CCDC192: variants seen among roughly 807,000 people sequenced by gnomAD.
CCDC192 encodes coiled-coil domain-containing protein 192.
chr5:127,856,590 C>T (rs1580757100), intron 5 of CCDC192, among the ~76,000 whole-genome samples: 1 of 152,216 alleles, frequency 6.6e-6, no homozygotes, highest in African/African-American at 2.4e-5. Context: ...TTTCAACATG[C>T]CTTCCTCACT....
intron 2 of CCDC192, among the ~76,000 whole-genome samples, chr5:127,736,656 G>T (rs1753016212): frequency 2.0e-5 from 3 of 151,786 alleles, no homozygotes; most frequent in African/African-American, 7.3e-5. Flanking sequence ...GTTTAGTCTT[G>T]GGAGAGTGTA....
chr5:127,751,981 C>T (rs1035503772), intron 2 of CCDC192, among the ~76,000 whole-genome samples: 1 of 152,082 alleles, frequency 6.6e-6, no homozygotes, highest in East Asian at 1.9e-4. Context: ...CCTTTAAGCA[C>T]TTCTCTGTAT....
intron 5 of CCDC192, among the ~76,000 whole-genome samples, chr5:127,822,302 A>G (rs937644832): frequency 2.6e-5 from 4 of 152,226 alleles, no homozygotes; most frequent in African/African-American, 9.6e-5. Flanking sequence ...CAATCTGCCC[A>G]TGGGTCTTAG....
intron 2 of CCDC192, among the ~76,000 whole-genome samples, chr5:127,727,343 A>G (rs957359458): frequency 8.4e-4 from 128 of 152,180 alleles, no homozygotes; most frequent in African/African-American, 3.0e-3. Context: ...ATGGTGGCGC[A>G]TGCCTGCAAT....
intron 6 of CCDC192, among the ~76,000 whole-genome samples, chr5:127,907,214 C>A (rs1753222373): frequency 6.6e-6 from 1 of 151,832 alleles, no homozygotes; most frequent in African/African-American, 2.4e-5. Flanking sequence ...CACAAGTTAG[C>A]CATAATTTTA....
intron 5 of CCDC192, among the ~76,000 whole-genome samples, chr5:127,843,555 A>T (rs973490612): frequency 6.6e-6 from 1 of 151,288 alleles, no homozygotes; most frequent in Non-Finnish European, 1.5e-5. Context: ...CTCCTGCCTC[A>T]GCCTCCCGAG....
intron 3 of CCDC192, among the ~76,000 whole-genome samples, chr5:127,769,473 G>A (rs1430066551): frequency 2.0e-5 from 3 of 151,678 alleles, no homozygotes; most frequent in African/African-American, 7.3e-5. Context: ...TTGAAAACTG[G>A]GAGTCATCAA....
At chr5:127,935,000 TA>T (rs1446428224) in intron 6 of CCDC192, among the ~76,000 whole-genome samples, 1 of 152,232 alleles carries the variant, frequency 6.6e-6, no homozygotes, top group Middle Eastern at 3.2e-3. Context: ...ATGAGGTATT[TA>T]ATCACCTCAC....
In CCDC192 at chr5:127,823,224, G is replaced by A. The variant is rs951673997; in HGVS notation, c.411+25062G>A. Among the ~76,000 whole-genome samples the A allele has an allele frequency of 5.9e-5, 9 of 152,294 alleles. No homozygotes were observed. The South Asian group carries it at 1.2e-3, about 21-fold the overall frequency. ...CAGGTGTCTCTCCCACACTTTGTAC[G>A]GGTCAAGTCTGTCTTTTCAAATCTG... On this transcript the variant is annotated intron_variant, in intron 5 of 6. Transcript: ENST00000514853.
intron 3 of CCDC192, among the ~76,000 whole-genome samples, chr5:127,768,365 A>T (rs1196433058): frequency 6.6e-6 from 1 of 152,162 alleles, no homozygotes; most frequent in African/African-American, 2.4e-5. Flanking sequence ...TCATATAGGG[A>T]GAAAGCCATG....
intron 3 of CCDC192, among the ~76,000 whole-genome samples, chr5:127,771,884 A>G (rs539203178): frequency 8.9e-4 from 136 of 152,302 alleles, no homozygotes; most frequent in Non-Finnish European, 1.5e-3. Context: ...AAGGGGAAGC[A>G]GGGATTCTCC....
intron 5 of CCDC192, among the ~76,000 whole-genome samples, chr5:127,842,075 G>A (rs955458255): frequency 6.6e-6 from 1 of 152,214 alleles, no homozygotes; most frequent in African/African-American, 2.4e-5. Context: ...ATGGGCGGAG[G>A]TGCCAGCTCC....
At chr5:127,813,793 A>G (rs1032530290) in intron 5 of CCDC192, among the ~76,000 whole-genome samples, 1 of 152,218 alleles carries the variant, frequency 6.6e-6, no homozygotes, top group African/African-American at 2.4e-5. Flanking sequence ...AAACAAAGAA[A>G]AACTAAAATA....
intron 5 of CCDC192, among the ~76,000 whole-genome samples, chr5:127,838,845 C>T (rs1391015063): frequency 6.6e-6 from 1 of 152,206 alleles, no homozygotes; most frequent in East Asian, 1.9e-4. Context: ...GTCTGTACTT[C>T]AGTGGTGTGA....
chr5:127,909,833 G>T (rs900019976), intron 6 of CCDC192, among the ~76,000 whole-genome samples: 1 of 152,126 alleles, frequency 6.6e-6, no homozygotes, highest in African/African-American at 2.4e-5. Flanking sequence ...TGACAGAATG[G>T]TTTATATATA....
chr5:127,865,366 T>G (rs1174719603), intron 5 of CCDC192, among the ~76,000 whole-genome samples: 1 of 152,028 alleles, frequency 6.6e-6, no homozygotes, highest in South Asian at 2.1e-4. Context: ...TTTCCCCAGG[T>G]GCTCAACTAC....
At chr5:127,870,028 C>T (rs898025488) in intron 5 of CCDC192, among the ~76,000 whole-genome samples, 10 of 152,114 alleles carry the variant, frequency 6.6e-5, no homozygotes, top group African/African-American at 2.4e-4. Context: ...TCAACTAGCT[C>T]CCCAAAACTT....
chr5:127,822,053 T>G (rs1174929396), intron 5 of CCDC192, among the ~76,000 whole-genome samples: 1 of 152,252 alleles, frequency 6.6e-6, no homozygotes, highest in Non-Finnish European at 1.5e-5. Flanking sequence ...TTAGTTGTCT[T>G]CATGCTTTTT....
chr5:127,919,007 GTA>G lies in CCDC192; in HGVS notation c.536-22169_536-22168del, dbSNP rs1323114488. Among the ~76,000 whole-genome samples the G allele has an allele frequency of 6.1e-5, 9 of 146,542 alleles. No homozygotes were observed. The East Asian group carries it at 1.7e-3, about 28-fold the overall frequency. ...TGTGCATGTTTGTATATGTGTGTAT[GTA>G]TATATGTGTGTGTATGTGTATATAT... On this transcript the variant is annotated intron_variant, in intron 6 of 6. Coordinates refer to ENST00000514853, the MANE Select transcript of CCDC192 (RefSeq NM_001317938.2).
Sources: allele counts gnomAD v4.1 joint callset (sites outside exome capture counted in the v4.1 genomes callset), GRCh38; gene constraint gnomAD v4.1.1; transcripts MANE v1.5; gene names NCBI Gene and HGNC (gene_info 2026-07-23, HGNC 2026-07-21).